The following FRMPD4 variants were observed in gnomAD, a reference collection of about 807,000 sequenced individuals.
FRMPD4 encodes FERM and PDZ domain containing 4.
A neutral mutation model predicts 94.1 loss-of-function variants in FRMPD4; 22 were observed. That is an observed-to-expected ratio of 0.23 (90% CI 0.17 to 0.33). The LOEUF (loss-of-function observed/expected upper bound fraction) is 0.33, where lower values mean the gene tolerates loss of function less well. Ranked by LOEUF, FRMPD4 falls within the 10% of genes least tolerant of loss-of-function variation. The pLI is 1.00. For synonymous variants in FRMPD4, 631 were observed against 548.6 expected, an observed-to-expected ratio of 1.15 and a Z score of -2.10; for missense variants, 1,111 against 1,339.9, an observed-to-expected ratio of 0.83 and a Z score of 2.67.
intron 1 of FRMPD4, among the ~76,000 whole-genome samples, chrX:11,836,132 G>A (rs147810022): frequency 1.9e-3 from 216 of 110,899 alleles, no homozygotes; most frequent in African/African-American, 6.8e-3. Context: ...CTTCAGACTC[G>A]TCCTGACATA....
chrX:12,496,689 T>C (rs2057853960), intron 1 of FRMPD4, among the ~76,000 whole-genome samples: 1 of 111,904 alleles, frequency 8.9e-6, no homozygotes, highest in Non-Finnish European at 1.9e-5. Context: ...TAAATCATAC[T>C]AAGGCCTTTC....
At chrX:12,579,467 C>T (rs981828628) in intron 2 of FRMPD4, among the ~76,000 whole-genome samples, 10 of 111,675 alleles carry the variant, frequency 9.0e-5, no homozygotes, top group African/African-American at 2.6e-4. Flanking sequence ...TTTCAGCTTC[C>T]GGGACAATCG....
At chrX:12,113,808 G>C (rs1490135201) in intron 3 of FRMPD4, among the ~76,000 whole-genome samples, 16 of 111,970 alleles carry the variant, frequency 1.4e-4, no homozygotes, top group Non-Finnish European at 2.6e-4. Flanking sequence ...GTATAAGCTA[G>C]TCTTGGTTGG....
At position 11,980,771 on chromosome X, in the gene FRMPD4, T is replaced by C. The variant is rs554835243; in HGVS notation, c.95+102753T>C. Among the ~76,000 whole-genome samples the C allele has an allele frequency of 1.9e-4, 21 of 112,425 alleles. No homozygotes were observed. In the South Asian group the frequency reaches 7.3e-3, roughly 39 times the overall value. On this transcript the variant is annotated intron_variant, in intron 3 of 18. Transcript: ENST00000640291. ...AAAGTTTTGTTTTGTAGGATTGCCA[T>C]GTTCATTCCATTCTAAATTATTTTC...
intron 1 of FRMPD4, among the ~76,000 whole-genome samples, chrX:12,245,946 G>T (rs1468287323): frequency 9.4e-6 from 1 of 106,249 alleles, no homozygotes; most frequent in Non-Finnish European, 1.9e-5. Flanking sequence ...CCAGTCTGTG[G>T]CATTTCTGTT....
chrX:12,673,501 G>C (rs1214510258), intron 4 of FRMPD4, among the ~76,000 whole-genome samples: 1 of 111,643 alleles, frequency 9.0e-6, no homozygotes, highest in African/African-American at 3.3e-5. Context: ...GAGTTGACTG[G>C]CTTGGTCATG....
chrX:12,389,335 C>T (rs371479957), intron 1 of FRMPD4, among the ~76,000 whole-genome samples: 4 of 109,335 alleles, frequency 3.7e-5, no homozygotes, highest in East Asian at 2.9e-4. Flanking sequence ...ATTAGCCAGG[C>T]GTGATGGTGC....
chrX:12,291,193 C>T (rs2054682431), intron 1 of FRMPD4, among the ~76,000 whole-genome samples: 1 of 112,380 alleles, frequency 8.9e-6, no homozygotes, highest in Non-Finnish European at 1.9e-5. Context: ...AGTCCAAAGG[C>T]CAGTTTTTGA....
chrX:12,524,305 A>G (rs908409693), intron 2 of FRMPD4, among the ~76,000 whole-genome samples: 3 of 112,387 alleles, frequency 2.7e-5, no homozygotes, highest in Non-Finnish European at 5.6e-5. Context: ...CTATTTTGGA[A>G]TCTATCTCCT....
chrX:12,230,625 G>A (rs2056973593), intron 1 of FRMPD4, among the ~76,000 whole-genome samples: 1 of 109,230 alleles, frequency 9.2e-6, no homozygotes, highest in Non-Finnish European at 1.9e-5. Flanking sequence ...GGTGGTAGGA[G>A]GTATGGTTCC....
intron 1 of FRMPD4, among the ~76,000 whole-genome samples, chrX:12,489,552 T>C (rs920446481): frequency 8.9e-6 from 1 of 111,858 alleles, no homozygotes; most frequent in Non-Finnish European, 1.9e-5. Context: ...AACAACACAT[T>C]TGAAAATTAG....
intron 7 of FRMPD4, among the ~76,000 whole-genome samples, chrX:12,686,703 A>G (rs2060027498): frequency 8.9e-6 from 1 of 112,361 alleles, no homozygotes; most frequent in Non-Finnish European, 1.9e-5. Context: ...TGATGCATAA[A>G]GAGGCAGAAA....
chrX:12,700,451 G>A (rs950077366), intron 9 of FRMPD4, among the ~76,000 whole-genome samples: 2 of 112,285 alleles, frequency 1.8e-5, no homozygotes, highest in African/African-American at 6.5e-5. Flanking sequence ...ACTGCCTTGT[G>A]TCTAAGCAGT....
chrX:11,990,739 A>G (rs1164563883), intron 3 of FRMPD4, among the ~76,000 whole-genome samples: 1 of 111,513 alleles, frequency 9.0e-6, no homozygotes, highest in Non-Finnish European at 1.9e-5. Flanking sequence ...AAACTACCAC[A>G]ATCTTAGTGG....
chrX:12,542,166 T>G (rs944782101), intron 2 of FRMPD4, among the ~76,000 whole-genome samples: 1 of 112,369 alleles, frequency 8.9e-6, no homozygotes, highest in African/African-American at 3.2e-5. Context: ...GCATTCCCTT[T>G]GAAAACTGGC....
intron 1 of FRMPD4, among the ~76,000 whole-genome samples, chrX:12,257,307 G>T (rs2054127713): frequency 9.1e-6 from 1 of 110,170 alleles, no homozygotes. Context: ...GTTTCTGTGG[G>T]TTTTTTTTCC....
chrX:12,098,547 T>G (rs937980855), intron 3 of FRMPD4, among the ~76,000 whole-genome samples: 1 of 112,444 alleles, frequency 8.9e-6, no homozygotes, highest in African/African-American at 3.2e-5. Context: ...TTTGTTTTGT[T>G]TGGGGACTGA....
chrX:11,897,387 G>A (rs954453988), intron 3 of FRMPD4, among the ~76,000 whole-genome samples: 1 of 110,884 alleles, frequency 9.0e-6, no homozygotes, highest in African/African-American at 3.3e-5. Context: ...ATATATTTAC[G>A]AATAAATGGT....
chrX:12,658,390 A>G (rs190279597), intron 4 of FRMPD4, among the ~76,000 whole-genome samples: 36 of 112,196 alleles, frequency 3.2e-4, no homozygotes, highest in African/African-American at 1.1e-3. Flanking sequence ...AGAGGCAGGA[A>G]AGAAGGGAAT....
Sources: gnomAD v4.1 joint callset for allele counts (sites outside exome capture counted in the v4.1 genomes callset) on GRCh38, gnomAD v4.1.1 for gene constraint, MANE v1.5 for transcripts, NCBI Gene and HGNC (gene_info 2026-07-23, HGNC 2026-07-21) for gene names.